The following NRXN1 variants were observed in gnomAD, a reference collection of about 807,000 sequenced individuals.
NRXN1 encodes neurexin 1.
Under a neutral mutation model 150.9 loss-of-function variants are expected in NRXN1, and 39 were observed. The observed-to-expected ratio is 0.26, with a 90% CI of 0.20 to 0.34. NRXN1 has a LOEUF of 0.34. Ranked by LOEUF, NRXN1 falls within the 10% of genes least tolerant of loss-of-function variation. NRXN1 has a pLI of 1.00. For missense variants in NRXN1, 1,815 were observed against 1,949.9 expected (o/e 0.93, Z 1.30); for synonymous variants, 924 against 757.0 (o/e 1.22, Z -3.62).
At chr2:50,345,798 C>T (rs1243436623) in intron 17 of NRXN1, among the ~76,000 whole-genome samples, 1 of 152,176 alleles carries the variant, frequency 6.6e-6, no homozygotes, top group Non-Finnish European at 1.5e-5. Flanking sequence ...CTTCTCCAGG[C>T]AGACCTCCGG....
intron 18 of NRXN1, among the ~76,000 whole-genome samples, chr2:50,221,097 G>A (rs1040657935): frequency 3.3e-5 from 5 of 151,940 alleles, no homozygotes; most frequent in Non-Finnish European, 1.5e-5. Flanking sequence ...AGTTATCTGT[G>A]CTGTGTGTCT....
intron 18 of NRXN1, among the ~76,000 whole-genome samples, chr2:50,235,317 T>C (rs978708235): frequency 6.6e-6 from 1 of 152,090 alleles, no homozygotes; most frequent in African/African-American, 2.4e-5. Context: ...ATGTTCTTAA[T>C]TTTGATTGTT....
intron 5 of NRXN1, among the ~76,000 whole-genome samples, chr2:50,756,887 T>TATAATCC (rs1179778422): frequency 2.0e-5 from 3 of 151,854 alleles, no homozygotes; most frequent in African/African-American, 7.3e-5. Context: ...AATATACTCT[T>TATAATCC]ATAATCCATA....
chr2:50,192,317 T>C (rs1040720454), intron 18 of NRXN1, among the ~76,000 whole-genome samples: 2 of 152,198 alleles, frequency 1.3e-5, no homozygotes, highest in East Asian at 3.8e-4. Flanking sequence ...TTTTAAAATA[T>C]TGATTAGAGA....
At position 50,474,484 on chromosome 2, in the gene NRXN1, C is replaced by T. The variant is rs181532176; in HGVS notation, c.3071-2013G>A. Reference sequence around the variant, plus strand: ...ACTGAGCTCTGGTGAATCTCAAAACCTCAGGTAAGTTTCAAGGAGTAATGC... The same window carrying T: ...ACTGAGCTCTGGTGAATCTCAAAACTTCAGGTAAGTTTCAAGGAGTAATGC... On this transcript the variant is annotated intron_variant, in intron 15 of 22. Coordinates refer to ENST00000401669, the MANE Select transcript of NRXN1 (RefSeq NM_001330078.2). Among the ~76,000 whole-genome samples the T allele has an allele frequency of 3.4e-3, 522 of 151,550 alleles. 10 individuals are homozygous for T. Among genetic ancestry groups the T allele is most frequent in the Admixed American group, 0.033 (494 of 15,150 alleles).
intron 5 of NRXN1, among the ~76,000 whole-genome samples, chr2:50,683,646 A>AAAAAAAAAAT: frequency 1.3e-4 from 2 of 14,904 alleles, no homozygotes; most frequent in African/African-American, 3.6e-4. Context: ...AAAAAAAAAA[A>AAAAAAAAAAT]ATATATATAT....
chr2:50,182,045 GCCTTCACATTCCTAA>G (rs1412718422), intron 18 of NRXN1, among the ~76,000 whole-genome samples: 1 of 149,920 alleles, frequency 6.7e-6, no homozygotes, highest in Non-Finnish European at 1.5e-5. Context: ...AAAAAAAAAT[GCCTTCACATTCCTAA>G]TTATTTTGAA....
Position 50,315,606 on chromosome 2 carries a change from C to A in NRXN1, c.3365-78636G>T, listed in dbSNP as rs565874524. On this transcript the variant is annotated intron_variant, in intron 17 of 22. Coordinates refer to ENST00000401669, the MANE Select transcript of NRXN1 (RefSeq NM_001330078.2). ...TCCTGTACAGTCAGTGCCCATCTCA[C>A]AAATGGGCTATGCTCCAAGCATCTA... 3.3e-4 allele frequency among the ~76,000 whole-genome samples: 50 copies of A among 152,238 alleles called. No homozygotes were observed. In the Middle Eastern group the frequency reaches 0.01, roughly 31 times the overall value.
At chr2:50,299,455 T>C (rs896886891) in intron 17 of NRXN1, among the ~76,000 whole-genome samples, 2 of 151,944 alleles carry the variant, frequency 1.3e-5, no homozygotes, top group African/African-American at 4.8e-5. Context: ...ATTTTTTAAA[T>C]GTCTTTTTCC....
intron 19 of NRXN1, among the ~76,000 whole-genome samples, chr2:50,076,467 A>T (rs962404627): frequency 6.6e-6 from 1 of 152,206 alleles, no homozygotes; most frequent in East Asian, 1.9e-4. Context: ...TTTAAACATC[A>T]AACAACCTTA....
chr2:50,247,812 G>C (rs1474496814), intron 17 of NRXN1, among the ~76,000 whole-genome samples: 1 of 152,094 alleles, frequency 6.6e-6, no homozygotes, highest in African/African-American at 2.4e-5. Context: ...ATTAAGGTCT[G>C]ACTCTTACTT....
At chr2:50,692,086 G>A (rs1044922855) in intron 5 of NRXN1, among the ~76,000 whole-genome samples, 5 of 152,028 alleles carry the variant, frequency 3.3e-5, no homozygotes, top group East Asian at 3.9e-4. Context: ...ACAAAGATCC[G>A]ATTCTATCTA....
chr2:50,249,434 A>G (rs991645260), intron 17 of NRXN1, among the ~76,000 whole-genome samples: 5 of 152,078 alleles, frequency 3.3e-5, no homozygotes, highest in Non-Finnish European at 7.4e-5. Flanking sequence ...GCAGAAATAT[A>G]TTGCTGGAGA....
intron 8 of NRXN1, among the ~76,000 whole-genome samples, chr2:50,594,178 T>C (rs745414034): frequency 9.2e-5 from 14 of 152,208 alleles, no homozygotes; most frequent in Non-Finnish European, 2.1e-4. Context: ...GGCAGTTCTT[T>C]AGAGCAGTGT....
intron 2 of NRXN1, among the ~76,000 whole-genome samples, chr2:50,937,023 C>T (rs1688660343): frequency 6.6e-6 from 1 of 152,062 alleles, no homozygotes; most frequent in East Asian, 1.9e-4. Flanking sequence ...CGTTACGAGA[C>T]TTCTAGGGTC....
chr2:50,459,554 CAT>C lies in NRXN1; in HGVS notation c.3364+5886_3364+5887del, dbSNP rs1197431706. Among the ~76,000 whole-genome samples the C allele has an allele frequency of 2.6e-5, 4 of 152,242 alleles. No homozygotes were observed. In the East Asian group the frequency reaches 7.8e-4, roughly 30 times the overall value. On this transcript the variant is annotated intron_variant, in intron 17 of 22. Transcript: ENST00000401669. ...TTTAGCTCCCACTTACAAATGGGAA[CAT>C]GTGGTATTTGGTTTTCTGTTCCTGC...
chr2:50,915,277 C>T (rs1685057921), intron 5 of NRXN1, among the ~76,000 whole-genome samples: 1 of 151,618 alleles, frequency 6.6e-6, no homozygotes, highest in Non-Finnish European at 1.5e-5. Flanking sequence ...TGTCAGCAGT[C>T]TCAACTATAT....
At chr2:50,242,902 T>A (rs2066151768) in intron 17 of NRXN1, among the ~76,000 whole-genome samples, 1 of 151,720 alleles carries the variant, frequency 6.6e-6, no homozygotes, top group Non-Finnish European at 1.5e-5. Context: ...GCAAGAAACA[T>A]GACATGTCAC....
chr2:50,993,627 A>C (rs1698866327), intron 2 of NRXN1, among the ~76,000 whole-genome samples: 1 of 151,992 alleles, frequency 6.6e-6, no homozygotes, highest in Admixed American at 6.6e-5. Context: ...CCAACAGCTC[A>C]TGCTAAAATA....
Sources: gnomAD v4.1 joint callset for allele counts (sites outside exome capture counted in the v4.1 genomes callset) on GRCh38, gnomAD v4.1.1 for gene constraint, MANE v1.5 for transcripts, NCBI Gene and HGNC (gene_info 2026-07-23, HGNC 2026-07-21) for gene names.